The following FLT3 variants were observed in gnomAD, a reference collection of about 807,000 sequenced individuals.
The protein encoded by FLT3 is fms related receptor tyrosine kinase 3.
Under a neutral mutation model 126.6 loss-of-function variants are expected in FLT3, and 46 were observed. The observed-to-expected ratio is 0.36, with a 90% confidence interval of 0.29 to 0.46. FLT3 has a LOEUF of 0.46. Among genes scored for constraint, FLT3 ranks in the 20% least tolerant of loss-of-function variants. FLT3 has a pLI of 1.00. For missense variants in FLT3, 1,069 were observed against 1,190.3 expected, an observed-to-expected ratio of 0.90 and a Z score of 1.50; for synonymous variants, 404 against 434.4, an observed-to-expected ratio of 0.93 and a Z score of 0.87.
chr13:28,090,919 T>C (rs1216242297), intron 1 of FLT3, among the ~76,000 whole-genome samples: 2 of 152,068 alleles, frequency 1.3e-5, no homozygotes, highest in African/African-American at 4.8e-5. Flanking sequence ...TGAGGACAAC[T>C]TTGGAATTGA....
At chr13:28,023,693 T>C (rs752295035) in intron 18 of FLT3, among the ~76,000 whole-genome samples, 1 of 152,188 alleles carries the variant, frequency 6.6e-6, no homozygotes, top group Non-Finnish European at 1.5e-5. Context: ...TGGAACTGCT[T>C]TGATGACCGA....
chr13:28,057,190 T>A (rs913925334), intron 4 of FLT3, among the ~76,000 whole-genome samples, 157 bp downstream of exon 4: 8 of 152,138 alleles, frequency 5.3e-5, no homozygotes, highest in Non-Finnish European at 1.2e-4. Flanking sequence ...TCTCTATAGG[T>A]TCTACAGAGG....
rs541536974 is a variant in FLT3, at chr13:28,004,600, G to A, written c.2860-426C>T. ...TGCGATTACAGGTGTGAGCCACTAC[G>A]CCCGGCCTAGACATCACTTTTAAAA... On this transcript the variant is annotated intron_variant, in intron 23 of 23. Coordinates refer to ENST00000241453, the MANE Select transcript of FLT3 (RefSeq NM_004119.3). Among the ~76,000 whole-genome samples the A allele has an allele frequency of 3.9e-5, 6 of 152,190 alleles. No homozygotes were observed. In the South Asian group the frequency reaches 8.3e-4, roughly 21 times the overall value.
chr13:28,077,097 A>AAG (rs34410286), intron 1 of FLT3, among the ~76,000 whole-genome samples: 144,888 of 150,144 alleles, frequency 0.96, 70,101 homozygotes, highest in South Asian at 1. Context: ...GAAAAAGAGA[A>AAG]AAAGAAAGAG....
chr13:28,054,009 C>T (rs76253728), intron 4 of FLT3, among the ~76,000 whole-genome samples: 23 of 152,122 alleles, frequency 1.5e-4, no homozygotes, highest in South Asian at 4.2e-4. Context: ...CCACCACACC[C>T]GGCCACAGTT....
At chr13:28,063,616 C>CAT (rs1427855714) in intron 2 of FLT3, among the ~76,000 whole-genome samples, 1 of 152,166 alleles carries the variant, frequency 6.6e-6, no homozygotes, top group Non-Finnish European at 1.5e-5. Flanking sequence ...TGAGCACACA[C>CAT]ATATTTCTTC....
chr13:28,007,569 T>C (rs1199368825), intron 23 of FLT3, among the ~76,000 whole-genome samples: 1 of 152,222 alleles, frequency 6.6e-6, no homozygotes, highest in Non-Finnish European at 1.5e-5. Context: ...AATTGTTCAC[T>C]TCAAAGATAG....
chr13:28,005,014 A>G (rs955476713), intron 23 of FLT3, among the ~76,000 whole-genome samples: 5 of 152,214 alleles, frequency 3.3e-5, no homozygotes, highest in Non-Finnish European at 7.3e-5. Context: ...GCATTCATAT[A>G]GATAATTTGA....
At chr13:28,020,070 C>T (rs780266913) in intron 19 of FLT3, among the ~76,000 whole-genome samples, 2 of 152,164 alleles carry the variant, frequency 1.3e-5, no homozygotes, top group Non-Finnish European at 2.9e-5. Flanking sequence ...CAAGGCACCT[C>T]ACATTCAGTA....
At chr13:28,021,274 C>G (rs1872361863) in intron 19 of FLT3, among the ~76,000 whole-genome samples, 1 of 152,168 alleles carries the variant, frequency 6.6e-6, no homozygotes, top group Non-Finnish European at 1.5e-5. Context: ...CCTGTAACCC[C>G]AGCTACTTGG....
chr13:28,077,082 A>G (rs1427957608), intron 1 of FLT3, among the ~76,000 whole-genome samples: 4 of 18,948 alleles, frequency 2.1e-4, no homozygotes, highest in Non-Finnish European at 7.1e-4. Flanking sequence ...AAAGAAAGAA[A>G]GAAAGAAAAA....
At chr13:28,082,516 G>A (rs1267889618) in intron 1 of FLT3, among the ~76,000 whole-genome samples, 1 of 150,288 alleles carries the variant, frequency 6.7e-6, no homozygotes, top group Non-Finnish European at 1.5e-5. Context: ...TTTTTTTTGA[G>A]ACATGATCTC....
At chr13:28,038,256 C>T (rs1209894656) in intron 9 of FLT3, among the ~76,000 whole-genome samples, 1 of 151,842 alleles carries the variant, frequency 6.6e-6, no homozygotes, top group Non-Finnish European at 1.5e-5. Flanking sequence ...CCCAGCAGGC[C>T]TGTGGGTTGC....
chr13:28,025,357 T>A, intron 17 of FLT3: 1 of 450,958 alleles, frequency 2.2e-6, no homozygotes, highest in Non-Finnish European at 4.4e-6. Flanking sequence ...GAGAGTCCCG[T>A]AAGCGTTTCA....
chr13:28,006,306 TTGTG>T (rs4002773), intron 23 of FLT3, among the ~76,000 whole-genome samples: 13,085 of 147,006 alleles, frequency 0.089, 632 homozygotes, highest in African/African-American at 0.13. Context: ...TTCTAGAAAA[TTGTG>T]TGTGTGTGTG....
Position 28,010,214 on chromosome 13 carries a change from A to C in FLT3, c.2859+4238T>G, listed in dbSNP as rs573710527. On this transcript the variant is annotated intron_variant, in intron 23 of 23. Transcript: ENST00000241453. The stretch of plus-strand genomic sequence containing the variant: ...ATGAACCAAACAGATGTGGTCTCCA[A>C]CTTGCTTTCATGCTGACTTCATTCA... Among the ~76,000 whole-genome samples the C allele has an allele frequency of 1.5e-3, 230 of 152,324 alleles. 1 individual carries two copies. Among genetic ancestry groups the C allele is most frequent in the Non-Finnish European group, 2.1e-3 (146 of 68,022 alleles).
rs1184135175 is a variant in FLT3, at chr13:28,051,939, G to A, written c.614+606C>T. 4.6e-5 allele frequency among the ~76,000 whole-genome samples: 7 copies of A among 151,720 alleles called. No homozygotes were observed. In the East Asian group the frequency reaches 7.7e-4, roughly 17 times the overall value. ...CCCAGGGAGCCAACAATCCTGGAAC[G>A]TAGAGGGACTTTTACTTGTGTAGCA... On this transcript the variant is annotated intron_variant, in intron 5 of 23. Transcript: ENST00000241453.
intron 2 of FLT3, among the ~76,000 whole-genome samples, chr13:28,064,861 G>A (rs1341594366): frequency 6.6e-6 from 1 of 152,032 alleles, no homozygotes; most frequent in Non-Finnish European, 1.5e-5. Context: ...TCACTTCTGG[G>A]AATAAGCACA....
Position 28,048,175 on chromosome 13 carries a change from A to C in FLT3, c.1205+100T>G, listed in dbSNP as rs1875073871. 9 of 854,654 alleles carry C rather than the reference A, an allele frequency of 1.1e-5. No individual in the cohort carries two copies. The East Asian group carries it at 2.2e-4, about 21-fold the overall frequency. The allele number at this position is 854,654 out of a possible 1,614,324, so 52.9% of individuals were successfully genotyped here. The stretch of plus-strand genomic sequence containing the variant: ...CAACTCAATAATAGTTAAACTCATA[A>C]GTGAATTTGCTTCCATAAGTATAAA... On this transcript the variant is annotated intron_variant, in intron 9 of 23. Transcript: ENST00000241453.
Sources: allele counts gnomAD v4.1 joint callset (sites outside exome capture counted in the v4.1 genomes callset), GRCh38; gene constraint gnomAD v4.1.1; transcripts MANE v1.5; gene names NCBI Gene and HGNC (gene_info 2026-07-23, HGNC 2026-07-21).